EFNA5: variants seen among roughly 807,000 people sequenced by gnomAD.
EFNA5 encodes ephrin A5.
EFNA5 carries 5 observed loss-of-function variants against 22.9 expected under a neutral mutation model. The observed-to-expected ratio is 0.22, with a 90% CI of 0.11 to 0.46. EFNA5 has a LOEUF of 0.46. Among genes scored for constraint, EFNA5 ranks in the 20% least tolerant of loss-of-function variants. EFNA5 has a pLI of 0.99. For missense variants in EFNA5, 237 were observed against 293.3 expected (o/e 0.81, Z 1.40); for synonymous variants, 113 against 112.2 (o/e 1.01, Z -0.04).
chr5:107,662,788 A>AT (rs1428980388), intron 1 of EFNA5, among the ~76,000 whole-genome samples: 5 of 54,488 alleles, frequency 9.2e-5, no homozygotes, highest in Admixed American at 1.7e-4. Context: ...GACTTGAGTA[A>AT]TTAAAAAAAA....
chr5:107,634,090 T>C (rs562526485), intron 1 of EFNA5, among the ~76,000 whole-genome samples: 79 of 152,346 alleles, frequency 5.2e-4, no homozygotes, highest in African/African-American at 1.8e-3. Flanking sequence ...TAAAGTGTAA[T>C]TGGGAGCTGG....
At chr5:107,463,753 G>A (rs1749898530) in intron 1 of EFNA5, among the ~76,000 whole-genome samples, 1 of 152,156 alleles carries the variant, frequency 6.6e-6, no homozygotes. Context: ...CATTAAGAGT[G>A]AGTGAGCTTT....
At chr5:107,465,242 C>A (rs1749942215) in intron 1 of EFNA5, among the ~76,000 whole-genome samples, 2 of 152,188 alleles carry the variant, frequency 1.3e-5, no homozygotes, top group South Asian at 4.1e-4. Flanking sequence ...CGAAGGCCGT[C>A]TTTTCTTGCA....
intron 1 of EFNA5, among the ~76,000 whole-genome samples, chr5:107,605,140 C>CG (rs1380425610): frequency 1.0e-4 from 5 of 49,570 alleles, no homozygotes; most frequent in African/African-American, 4.0e-4. Context: ...TTTAAAAGCT[C>CG]GGGGGTGGGG....
intron 1 of EFNA5, among the ~76,000 whole-genome samples, chr5:107,434,943 T>G (rs1277379882): frequency 6.6e-6 from 1 of 152,200 alleles, no homozygotes; most frequent in Non-Finnish European, 1.5e-5. Flanking sequence ...GAAATTGAAA[T>G]GTAAAAGAAG....
chr5:107,576,333 A>G (rs541465514), intron 1 of EFNA5, among the ~76,000 whole-genome samples: 12 of 152,310 alleles, frequency 7.9e-5, no homozygotes, highest in Admixed American at 2.6e-4. Flanking sequence ...GAAATGAGCT[A>G]ATAACATGAC....
intron 1 of EFNA5, among the ~76,000 whole-genome samples, chr5:107,468,271 CA>C (rs1200538373): frequency 6.6e-6 from 1 of 152,208 alleles, no homozygotes; most frequent in Non-Finnish European, 1.5e-5. Context: ...GCAAGAATCA[CA>C]TTGTCAAAAT....
chr5:107,490,954 C>A (rs1423076776), intron 1 of EFNA5, among the ~76,000 whole-genome samples: 1 of 152,204 alleles, frequency 6.6e-6, no homozygotes, highest in Non-Finnish European at 1.5e-5. Context: ...CTTTTACTTT[C>A]AATCATCTTC....
chr5:107,531,077 TG>T (rs1213778933), intron 1 of EFNA5, among the ~76,000 whole-genome samples: 1 of 152,240 alleles, frequency 6.6e-6, no homozygotes, highest in East Asian at 1.9e-4. Context: ...TTAACGAAGA[TG>T]TTTTTTAAAG....
At chr5:107,622,818 G>C (rs962564326) in intron 1 of EFNA5, among the ~76,000 whole-genome samples, 3 of 151,434 alleles carry the variant, frequency 2.0e-5, no homozygotes, top group South Asian at 2.1e-4. Flanking sequence ...TCAGGAGATC[G>C]AGACCATCCT....
chr5:107,466,366 A>T (rs1417210803), intron 1 of EFNA5, among the ~76,000 whole-genome samples: 2 of 152,088 alleles, frequency 1.3e-5, no homozygotes, highest in African/African-American at 4.8e-5. Context: ...GCTTGGAGAA[A>T]GATAGCTCAA....
intron 1 of EFNA5, among the ~76,000 whole-genome samples, chr5:107,462,524 TCA>T (rs902843085): frequency 6.6e-6 from 1 of 152,144 alleles, no homozygotes; most frequent in Non-Finnish European, 1.5e-5. Context: ...ACCTAAAGCA[TCA>T]CACACAGCAT....
chr5:107,517,938 T>C (rs531804862), intron 1 of EFNA5, among the ~76,000 whole-genome samples: 6 of 152,324 alleles, frequency 3.9e-5, no homozygotes, highest in African/African-American at 1.4e-4. Context: ...TTAAAAATAC[T>C]GTATTTTTCT....
intron 1 of EFNA5, among the ~76,000 whole-genome samples, chr5:107,652,275 C>T (rs1750749630): frequency 6.6e-6 from 1 of 152,140 alleles, no homozygotes; most frequent in Non-Finnish European, 1.5e-5. Flanking sequence ...TGCTCCTGTT[C>T]CTAAGGATCC....
intron 1 of EFNA5, among the ~76,000 whole-genome samples, chr5:107,503,110 G>A (rs1272119387): frequency 6.6e-6 from 1 of 152,146 alleles, no homozygotes; most frequent in African/African-American, 2.4e-5. Flanking sequence ...CGGGCACAGG[G>A]TGCAGTTTCA....
chr5:107,630,993 A>G (rs1368173458), intron 1 of EFNA5, among the ~76,000 whole-genome samples: 1 of 152,116 alleles, frequency 6.6e-6, no homozygotes, highest in Non-Finnish European at 1.5e-5. Flanking sequence ...TTCAGGAGCA[A>G]TAACACACAC....
intron 1 of EFNA5, among the ~76,000 whole-genome samples, chr5:107,559,918 G>T (rs1462959358): frequency 6.6e-6 from 1 of 152,138 alleles, no homozygotes; most frequent in Admixed American, 6.5e-5. Flanking sequence ...TTTGAAACAA[G>T]GATTGGGCAT....
At chr5:107,665,045 A>G (rs1399279992) in intron 1 of EFNA5, among the ~76,000 whole-genome samples, 1 of 152,164 alleles carries the variant, frequency 6.6e-6, no homozygotes, top group Admixed American at 6.5e-5. Flanking sequence ...ATGCTACCCA[A>G]CATGTAAAAT....
At chr5:107,404,910 C>G (rs1748169428) in intron 2 of EFNA5, among the ~76,000 whole-genome samples, 1 of 152,116 alleles carries the variant, frequency 6.6e-6, no homozygotes, top group South Asian at 2.1e-4. Flanking sequence ...CAGAGACATG[C>G]CCTATGCATA....
Sources: gnomAD v4.1 joint callset for allele counts (sites outside exome capture counted in the v4.1 genomes callset) on GRCh38, gnomAD v4.1.1 for gene constraint, MANE v1.5 for transcripts, NCBI Gene and HGNC (gene_info 2026-07-23, HGNC 2026-07-21) for gene names.